ANKS1B: variants seen among roughly 807,000 people sequenced by gnomAD.
The protein encoded by ANKS1B is ankyrin repeat and sterile alpha motif domain containing 1B, also known as ankyrin repeat and sterile alpha motif domain-containing protein 1B.
Under a neutral mutation model 148.3 loss-of-function variants are expected in ANKS1B, and 36 were observed. The ratio of observed to expected loss-of-function variants is 0.24; its 90% CI spans 0.19 to 0.32. ANKS1B has a LOEUF of 0.32. Ranked by LOEUF, ANKS1B falls within the 10% of genes least tolerant of loss-of-function variation. The probability of loss-of-function intolerance (pLI) is 1.00; values close to 1 mark genes in which losing one functional copy is unlikely to be tolerated. For missense variants in ANKS1B, 1,157 were observed against 1,542.6 expected (o/e 0.75, Z 4.19); for synonymous variants, 542 against 560.8 (o/e 0.97, Z 0.47).
chr12:99,840,539 C>T lies in ANKS1B; in HGVS notation c.135-15150G>A, dbSNP rs146147237. Among the ~76,000 whole-genome samples the T allele has an allele frequency of 3.1e-4, 47 of 152,064 alleles. 1 individual carries two copies. The highest frequency in any genetic ancestry group is 1.1e-3 in the African/African-American group (44 of 41,466). ...ATAGTAATGCAGGAAAAGATGATGA[C>T]GGCTTAGAGCAAAGGGGTAGCATCA... On this transcript the variant is annotated intron_variant, in intron 1 of 26. Coordinates refer to ENST00000683438, the MANE Select transcript of ANKS1B (RefSeq NM_001352186.2).
intron 12 of ANKS1B, among the ~76,000 whole-genome samples, chr12:99,259,956 C>T (rs528171920): frequency 6.6e-6 from 1 of 152,302 alleles, no homozygotes; most frequent in East Asian, 1.9e-4. Flanking sequence ...TAGTGAATAA[C>T]TACATCAGAA....
At chr12:99,916,735 T>C (rs1036627577) in intron 1 of ANKS1B, among the ~76,000 whole-genome samples, 4 of 152,142 alleles carry the variant, frequency 2.6e-5, no homozygotes, top group African/African-American at 9.7e-5. Context: ...ATACGGCTCA[T>C]GGATGAGTCA....
chr12:99,748,683 G>A (rs930373041), intron 8 of ANKS1B, among the ~76,000 whole-genome samples: 15 of 151,930 alleles, frequency 9.9e-5, no homozygotes, highest in South Asian at 4.1e-4. Flanking sequence ...TATATAATAC[G>A]TTGAATCGTG....
At chr12:99,801,538 T>C (rs1456671353) in intron 4 of ANKS1B, among the ~76,000 whole-genome samples, 3 of 152,102 alleles carry the variant, frequency 2.0e-5, no homozygotes, top group Non-Finnish European at 2.9e-5. Context: ...GTGAGGGAGT[T>C]AGAGTGGCCT....
intron 1 of ANKS1B, among the ~76,000 whole-genome samples, chr12:99,841,325 T>A (rs921717708): frequency 3.9e-5 from 6 of 152,210 alleles, no homozygotes; most frequent in African/African-American, 1.4e-4. Flanking sequence ...TACATTAACA[T>A]ATTTAATGTC....
At chr12:98,768,683 G>A in intron 25 of ANKS1B, among the ~76,000 whole-genome samples, 1 of 148,140 alleles carries the variant, frequency 6.8e-6, no homozygotes, top group African/African-American at 2.5e-5. Context: ...GCAGTGAGCA[G>A]AGATCGTGCC....
intron 1 of ANKS1B, among the ~76,000 whole-genome samples, chr12:99,852,188 C>A (rs971249597): frequency 6.6e-5 from 10 of 152,122 alleles, no homozygotes; most frequent in Admixed American, 6.5e-4. Flanking sequence ...CTTCACCTTA[C>A]GGGTTTTCTC....
At chr12:99,129,572 G>A (rs1407421342) in intron 15 of ANKS1B, among the ~76,000 whole-genome samples, 1 of 152,176 alleles carries the variant, frequency 6.6e-6, no homozygotes, top group Non-Finnish European at 1.5e-5. Flanking sequence ...TCTTGAGGTA[G>A]AGCATGATCT....
intron 22 of ANKS1B, among the ~76,000 whole-genome samples, chr12:98,790,396 A>G (rs7300348): frequency 0.86 from 130,700 of 152,254 alleles, 56,230 homozygotes; most frequent in East Asian, 1. Context: ...TTAATATAGC[A>G]TCTACATTTT....
At chr12:99,868,537 C>T (rs2091054200) in intron 1 of ANKS1B, among the ~76,000 whole-genome samples, 1 of 150,822 alleles carries the variant, frequency 6.6e-6, no homozygotes. Context: ...AAATTTCATG[C>T]AGAAAACCCC....
At chr12:99,390,755 C>T (rs1283660008) in intron 12 of ANKS1B, among the ~76,000 whole-genome samples, 4 of 152,190 alleles carry the variant, frequency 2.6e-5, no homozygotes, top group African/African-American at 4.8e-5. Flanking sequence ...TCCTAAATTA[C>T]GAATGAGACC....
At chr12:99,127,789 A>G (rs1415716138) in intron 15 of ANKS1B, among the ~76,000 whole-genome samples, 1 of 152,256 alleles carries the variant, frequency 6.6e-6, no homozygotes, top group African/African-American at 2.4e-5. Flanking sequence ...TACTTCGATC[A>G]GCAAATGCTT....
rs150976574 is a variant in ANKS1B at position 99,470,746 on chromosome 12, A to C, written c.1439-26937T>G. 5.8e-3 allele frequency among the ~76,000 whole-genome samples: 878 copies of C among 152,236 alleles called. 7 individuals carry two copies. Among genetic ancestry groups the C allele is most frequent in the African/African-American group, 0.02 (822 of 41,568 alleles). On this transcript the variant is annotated intron_variant, in intron 10 of 26. Transcript: ENST00000683438. ...GTATTTCATGGAGCTAATACATTTT[A>C]CTCAAAATGTCAGTAAATTCTAGAA...
chr12:99,715,142 AT>A (rs1185169268), intron 8 of ANKS1B, among the ~76,000 whole-genome samples: 1 of 96,484 alleles, frequency 1.0e-5, no homozygotes, highest in African/African-American at 3.5e-5. Context: ...ATAAAAAATA[AT>A]AAATAAATAA....
At chr12:99,550,350 G>A (rs553270898) in intron 9 of ANKS1B, among the ~76,000 whole-genome samples, 188 of 152,192 alleles carry the variant, frequency 1.2e-3, no homozygotes, top group Middle Eastern at 3.4e-3. Context: ...CCAATCAAGC[G>A]CGGTGGCTTA....
chr12:99,909,217 CGTGTGTGTGTGTGTGTGT>C lies in ANKS1B; in HGVS notation c.134+74869_134+74886del, dbSNP rs60264932. ...TTTTTAAGGCTGGACAATATTCCAT[CGTGTGTGTGTGTGTGTGT>C]GTGTGTGTGTGTGTGTGTGTGTGTG... On this transcript the variant is annotated intron_variant, in intron 1 of 26. Coordinates refer to ENST00000683438, the MANE Select transcript of ANKS1B (RefSeq NM_001352186.2). Among the ~76,000 whole-genome samples, 91 of 137,394 alleles carry C rather than the reference CGTGTGTGTGTGTGTGTGT, an allele frequency of 6.6e-4. No individual in the cohort carries two copies. In the East Asian group the frequency reaches 0.018, roughly 27 times the overall value. The allele number at this position is 137,394 out of a possible 152,430, so 90.1% of individuals were successfully genotyped here.
chr12:99,428,388 G>A (rs1273268084), intron 11 of ANKS1B, among the ~76,000 whole-genome samples: 1 of 152,162 alleles, frequency 6.6e-6, no homozygotes, highest in Non-Finnish European at 1.5e-5. Context: ...AGTGGGATGA[G>A]GCCAGTGTCC....
At chr12:99,280,416 T>C (rs543764863) in intron 12 of ANKS1B, among the ~76,000 whole-genome samples, 1 of 152,304 alleles carries the variant, frequency 6.6e-6, no homozygotes, top group East Asian at 1.9e-4. Flanking sequence ...TAGTTAGTTC[T>C]GGACAATGGA....
intron 12 of ANKS1B, among the ~76,000 whole-genome samples, chr12:99,303,181 T>C (rs768254620): frequency 6.6e-6 from 1 of 152,120 alleles, no homozygotes; most frequent in Non-Finnish European, 1.5e-5. Context: ...AAAATTACAT[T>C]TGTTACATGG....
Sources: gnomAD v4.1 joint callset for allele counts (sites outside exome capture counted in the v4.1 genomes callset) on GRCh38, gnomAD v4.1.1 for gene constraint, MANE v1.5 for transcripts, NCBI Gene and HGNC (gene_info 2026-07-23, HGNC 2026-07-21) for gene names.